ZNF521: variants seen among roughly 807,000 people sequenced by gnomAD.
ZNF521 encodes the protein zinc finger protein 521.
In ZNF521, 14 loss-of-function variants were observed where a neutral mutation model predicts 105.5. That is an observed-to-expected ratio of 0.13 (90% CI 0.09 to 0.21). The LOEUF is 0.21. Among genes scored for constraint, ZNF521 ranks in the 10% least tolerant of loss-of-function variants. The pLI, the probability that ZNF521 is intolerant of heterozygous loss-of-function variation, is 1.00. For missense variants in ZNF521, 1,233 were observed against 1,629.7 expected (o/e 0.76, Z 4.19); for synonymous variants, 635 against 606.0 (o/e 1.05, Z -0.70).
At chr18:25,117,104 T>G in intron 5 of ZNF521, among the ~76,000 whole-genome samples, 1 of 139,372 alleles carries the variant, frequency 7.2e-6, no homozygotes, top group Non-Finnish European at 1.6e-5. Context: ...CTTAATTAGA[T>G]TGCTTCCAGT....
intron 5 of ZNF521, among the ~76,000 whole-genome samples, chr18:25,102,875 T>C (rs2033994970): frequency 6.6e-6 from 1 of 152,192 alleles, no homozygotes; most frequent in South Asian, 2.1e-4. Context: ...TCTAGATCTC[T>C]TATTGATGTG....
intron 7 of ZNF521, among the ~76,000 whole-genome samples, chr18:25,068,326 T>C (rs2033124406): frequency 6.6e-6 from 1 of 152,190 alleles, no homozygotes; most frequent in African/African-American, 2.4e-5. Flanking sequence ...ATTAACTAAT[T>C]ATATTACCCT....
chr18:25,311,321 G>A (rs536277804), intron 3 of ZNF521, among the ~76,000 whole-genome samples: 11 of 144,396 alleles, frequency 7.6e-5, no homozygotes. Context: ...AAAGGAAACA[G>A]ATAAAGGTCA....
In ZNF521 at chr18:25,161,023, G is replaced by C. The variant is rs74763438; in HGVS notation, c.3658+34137C>G. Among the ~76,000 whole-genome samples the C allele has an allele frequency of 4.1e-3, 623 of 152,232 alleles. 7 individuals are homozygous for C. Among genetic ancestry groups the C allele is most frequent in the African/African-American group, 0.014 (591 of 41,524 alleles). On this transcript the variant is annotated intron_variant, in intron 5 of 7. Coordinates refer to ENST00000361524, the MANE Select transcript of ZNF521 (RefSeq NM_015461.3). ...AAGCTAATAAGGTGACCCTGAAGCAGATGCAGTTGTTAATACAGATGTGGC... is the reference window on the plus strand; with the variant it reads ...AAGCTAATAAGGTGACCCTGAAGCACATGCAGTTGTTAATACAGATGTGGC...
chr18:25,351,084 C>G (rs1373556420), intron 1 of ZNF521, 137 bp from the exon 2 acceptor site: 1 of 436,334 alleles, frequency 2.3e-6, no homozygotes, highest in Non-Finnish European at 3.2e-6. Flanking sequence ...GCGCTCCGCT[C>G]CTCGCTCCGG....
intron 2 of ZNF521, among the ~76,000 whole-genome samples, chr18:25,339,782 A>G (rs1218097336): frequency 6.6e-6 from 1 of 152,206 alleles, no homozygotes; most frequent in Admixed American, 6.5e-5. Context: ...TCTTTGACAT[A>G]TGGGGTATAA....
intron 5 of ZNF521, among the ~76,000 whole-genome samples, chr18:25,162,819 T>G (rs1463113237): frequency 1.3e-5 from 2 of 152,184 alleles, no homozygotes; most frequent in Non-Finnish European, 1.5e-5. Context: ...CACTTACAAT[T>G]TAAGCATGAT....
At chr18:25,306,492 A>G (rs1911986108) in intron 3 of ZNF521, among the ~76,000 whole-genome samples, 1 of 152,186 alleles carries the variant, frequency 6.6e-6, no homozygotes, top group South Asian at 2.1e-4. Flanking sequence ...AAAACCCTAC[A>G]TGCTCTAATC....
chr18:25,128,383 C>A (rs1028211883), intron 5 of ZNF521, among the ~76,000 whole-genome samples: 3 of 151,908 alleles, frequency 2.0e-5, no homozygotes, highest in Admixed American at 6.6e-5. Flanking sequence ...AAGCTAGAAG[C>A]TTTCCCTCTA....
At chr18:25,300,930 G>T (rs1911609407) in intron 3 of ZNF521, among the ~76,000 whole-genome samples, 1 of 152,104 alleles carries the variant, frequency 6.6e-6, no homozygotes, top group South Asian at 2.1e-4. Context: ...AGCATTGCAA[G>T]TACAAAGATG....
intron 3 of ZNF521, among the ~76,000 whole-genome samples, chr18:25,237,711 T>C (rs1907009670): frequency 6.6e-6 from 1 of 152,236 alleles, no homozygotes; most frequent in Admixed American, 6.5e-5. Flanking sequence ...ATACTGTCTG[T>C]ACCAAAGGGC....
chr18:25,129,171 C>G (rs1280452998), intron 5 of ZNF521, among the ~76,000 whole-genome samples: 1 of 151,116 alleles, frequency 6.6e-6, no homozygotes, highest in Non-Finnish European at 1.5e-5. Flanking sequence ...TGATCTTGGA[C>G]AAAGAAGCAA....
At chr18:25,076,992 C>A (rs1463174617) in intron 7 of ZNF521, among the ~76,000 whole-genome samples, 1 of 152,202 alleles carries the variant, frequency 6.6e-6, no homozygotes, top group Non-Finnish European at 1.5e-5. Flanking sequence ...TTGCTAGACC[C>A]AAATGTACTG....
chr18:25,194,853 C>G (rs2035876884), intron 5 of ZNF521, among the ~76,000 whole-genome samples: 1 of 151,626 alleles, frequency 6.6e-6, no homozygotes, highest in South Asian at 2.1e-4. Flanking sequence ...AGCTAACATC[C>G]AGTTCATTAA....
intron 3 of ZNF521, among the ~76,000 whole-genome samples, chr18:25,315,023 AC>A (rs1912523008): frequency 6.6e-6 from 1 of 152,138 alleles, no homozygotes; most frequent in Non-Finnish European, 1.5e-5. Context: ...GTGTGATGAG[AC>A]CCCTCTGGCT....
intron 5 of ZNF521, among the ~76,000 whole-genome samples, chr18:25,135,677 G>A (rs1227451553): frequency 6.6e-6 from 1 of 152,128 alleles, no homozygotes; most frequent in Non-Finnish European, 1.5e-5. Flanking sequence ...GGGACTCCTT[G>A]TTGATGAAGG....
chr18:25,329,962 G>A (rs1024302319), intron 2 of ZNF521, among the ~76,000 whole-genome samples: 5 of 151,626 alleles, frequency 3.3e-5, no homozygotes, highest in African/African-American at 1.2e-4. Context: ...GATGGATGGT[G>A]AAGAGAGGAA....
chr18:25,229,589 C>A (rs1346765755), intron 3 of ZNF521, among the ~76,000 whole-genome samples: 1 of 152,008 alleles, frequency 6.6e-6, no homozygotes, highest in African/African-American at 2.4e-5. Context: ...ATCTAGTTTT[C>A]CCCTTAAAAA....
intron 5 of ZNF521, among the ~76,000 whole-genome samples, chr18:25,179,477 C>CGTGTGTGCAT (rs961474206): frequency 6.6e-6 from 1 of 151,772 alleles, no homozygotes; most frequent in Non-Finnish European, 1.5e-5. Context: ...TGTGTGTTTA[C>CGTGTGTGCAT]GTGTGTGCAT....
Sources: allele counts gnomAD v4.1 joint callset (sites outside exome capture counted in the v4.1 genomes callset), GRCh38; gene constraint gnomAD v4.1.1; transcripts MANE v1.5; gene names NCBI Gene and HGNC (gene_info 2026-07-23, HGNC 2026-07-21).